Variants in WWOX observed in about 807,000 individuals in gnomAD.
WWOX encodes WW domain containing oxidoreductase.
In WWOX, 69 loss-of-function variants were observed where a neutral mutation model predicts 46.2. The observed-to-expected ratio is 1.49, with a 90% confidence interval of 1.23 to 1.82. The LOEUF (loss-of-function observed/expected upper bound fraction) is 1.82, where lower values mean the gene tolerates loss of function less well. WWOX is among the 40% of genes most tolerant of loss of function. The pLI is 0.00. For synonymous variants in WWOX, 359 were observed against 202.6 expected, an observed-to-expected ratio of 1.77 and a Z score of -6.56; for missense variants, 919 against 542.6, an observed-to-expected ratio of 1.69 and a Z score of -6.89.
chr16:78,874,684 C>CTTTTTTTTTTTTT (rs552696627), intron 8 of WWOX, among the ~76,000 whole-genome samples: 1 of 83,494 alleles, frequency 1.2e-5, no homozygotes, highest in Non-Finnish European at 2.2e-5. Context: ...AGATTTTTTT[C>CTTTTTTTTTTTTT]TTTTTTTTTT....
At chr16:78,640,136 G>C (rs374867104) in intron 8 of WWOX, among the ~76,000 whole-genome samples, 11 of 151,616 alleles carry the variant, frequency 7.3e-5, no homozygotes, top group African/African-American at 2.2e-4. Flanking sequence ...CTTCAGGTTT[G>C]GAGGGAGGCC....
chr16:79,093,174 A>C (rs1368367752), intron 8 of WWOX, among the ~76,000 whole-genome samples: 1 of 152,182 alleles, frequency 6.6e-6, no homozygotes, highest in Non-Finnish European at 1.5e-5. Context: ...AATGGGCAAA[A>C]ATTATGTGTT....
chr16:79,130,976 G>A (rs2049866158), intron 8 of WWOX, among the ~76,000 whole-genome samples: 1 of 152,146 alleles, frequency 6.6e-6, no homozygotes. Flanking sequence ...AGATGTGTGG[G>A]ATATCATAAA....
intron 8 of WWOX, among the ~76,000 whole-genome samples, chr16:79,172,850 C>T (rs1023406173): frequency 7.8e-6 from 1 of 128,130 alleles, no homozygotes; most frequent in Non-Finnish European, 1.6e-5. Context: ...ATATAGACTA[C>T]CTGCAAAAAG....
intron 8 of WWOX, among the ~76,000 whole-genome samples, chr16:78,435,604 G>A (rs60280955): frequency 0.024 from 3,722 of 152,152 alleles, 141 homozygotes; most frequent in African/African-American, 0.084. Flanking sequence ...TCTGTGGAGG[G>A]GCACTCATAG....
chr16:78,996,778 C>A (rs947565224), intron 8 of WWOX, among the ~76,000 whole-genome samples: 7 of 152,170 alleles, frequency 4.6e-5, no homozygotes, highest in African/African-American at 1.7e-4. Context: ...CGCTTCCCAC[C>A]TGCCTCGTAT....
chr16:78,716,693 G>A (rs2048569733), intron 8 of WWOX, among the ~76,000 whole-genome samples: 1 of 151,804 alleles, frequency 6.6e-6, no homozygotes, highest in Non-Finnish European at 1.5e-5. Context: ...GAGAATCATG[G>A]GACCACCTCC....
At chr16:78,351,928 A>T (rs2081192762) in intron 5 of WWOX, among the ~76,000 whole-genome samples, 1 of 152,154 alleles carries the variant, frequency 6.6e-6, no homozygotes, top group Admixed American at 6.5e-5. Flanking sequence ...AAGTGCTGGG[A>T]TTATAGGCAT....
chr16:79,047,188 CA>C (rs2048081232), intron 8 of WWOX, among the ~76,000 whole-genome samples: 1 of 152,116 alleles, frequency 6.6e-6, no homozygotes, highest in Admixed American at 6.6e-5. Flanking sequence ...TAAGCACATG[CA>C]AGGCATTGAG....
chr16:78,756,578 G>T (rs1160268128), intron 8 of WWOX, among the ~76,000 whole-genome samples: 1 of 152,202 alleles, frequency 6.6e-6, no homozygotes, highest in Non-Finnish European at 1.5e-5. Flanking sequence ...ATGCTTTATT[G>T]ATATTCCTAT....
intron 8 of WWOX, among the ~76,000 whole-genome samples, chr16:78,982,399 G>A (rs2046700471): frequency 6.6e-6 from 1 of 152,198 alleles, no homozygotes. Flanking sequence ...ATACACGTGT[G>A]TGCTGGTAAG....
rs534049911 is a variant in WWOX at position 78,507,555 on chromosome 16, A to G, written c.1056+74803A>G. On this transcript the variant is annotated intron_variant, in intron 8 of 8. Coordinates refer to ENST00000566780, the MANE Select transcript of WWOX (RefSeq NM_016373.4). ...CGCAGAGAGACCCACTGCATGTCCT[A>G]TTAGGCATCTTATCCTTGAGTAAGC... Among the ~76,000 whole-genome samples the G allele has an allele frequency of 5.6e-4, 85 of 152,284 alleles. 2 individuals are homozygous for G. In the South Asian group the frequency reaches 0.016, roughly 29 times the overall value.
intron 5 of WWOX, among the ~76,000 whole-genome samples, chr16:78,377,009 T>G (rs1381646203): frequency 6.6e-6 from 1 of 152,246 alleles, no homozygotes; most frequent in Non-Finnish European, 1.5e-5. Flanking sequence ...ATCCCAGATC[T>G]CTGTGTTTGG....
At chr16:78,425,471 T>G (rs962918962) in intron 7 of WWOX, among the ~76,000 whole-genome samples, 2 of 152,114 alleles carry the variant, frequency 1.3e-5, no homozygotes, top group Admixed American at 1.3e-4. Flanking sequence ...AATGAGAAAT[T>G]AGGGAATTCG....
chr16:78,759,014 A>T (rs2049726468), intron 8 of WWOX, among the ~76,000 whole-genome samples: 1 of 151,356 alleles, frequency 6.6e-6, no homozygotes, highest in Admixed American at 6.6e-5. Flanking sequence ...GAAGCTCCTG[A>T]TGTCTAGCAG....
rs1366417473 is a variant in WWOX at position 78,958,541 on chromosome 16, A to G, written c.1057-253067A>G. Among the ~76,000 whole-genome samples the G allele has an allele frequency of 3.9e-5, 6 of 152,350 alleles. No individual in the cohort carries two copies. In the East Asian group the frequency reaches 9.6e-4, roughly 24 times the overall value. On this transcript the variant is annotated intron_variant, in intron 8 of 8. Transcript: ENST00000566780. ...GGTAGTTTTGCCAATTTGGGAAGTT[A>G]TGGTGCCTTGCAGTTTCCAAAGTAA...
chr16:79,044,029 GC>G (rs1471159734), intron 8 of WWOX, among the ~76,000 whole-genome samples: 1 of 152,218 alleles, frequency 6.6e-6, no homozygotes, highest in Admixed American at 6.5e-5. Flanking sequence ...CTCTCCTAGA[GC>G]CAGGAAGAGG....
chr16:78,801,110 G>C (rs2050874325), intron 8 of WWOX, among the ~76,000 whole-genome samples: 1 of 151,298 alleles, frequency 6.6e-6, no homozygotes, highest in Admixed American at 6.6e-5. Flanking sequence ...CTGGAGTGCA[G>C]TGGTGCAATC....
At chr16:78,817,754 C>T (rs7205028) in intron 8 of WWOX, among the ~76,000 whole-genome samples, 1 of 152,016 alleles carries the variant, frequency 6.6e-6, no homozygotes, top group African/African-American at 2.4e-5. Flanking sequence ...AGCCCTTTCT[C>T]TTCCCCTGAG....
Sources: gnomAD v4.1 joint callset for allele counts (sites outside exome capture counted in the v4.1 genomes callset) on GRCh38, gnomAD v4.1.1 for gene constraint, MANE v1.5 for transcripts, NCBI Gene and HGNC (gene_info 2026-07-23, HGNC 2026-07-21) for gene names.